WDR19: variants seen among roughly 807,000 people sequenced by gnomAD.
WDR19 encodes the protein WD repeat-containing protein 19.
Under a neutral mutation model 180.0 loss-of-function variants are expected in WDR19, and 121 were observed. The observed-to-expected ratio is 0.67, with a 90% CI of 0.58 to 0.78. The LOEUF (loss-of-function observed/expected upper bound fraction) is 0.78. Among genes scored for constraint, WDR19 ranks in the 30% least tolerant of loss-of-function variants. The pLI is 0.00. For synonymous variants in WDR19, 497 were observed against 540.7 expected (o/e 0.92, Z 1.12); for missense variants, 1,450 against 1,640.7 (o/e 0.88, Z 2.01).
At chr4:39,270,222 C>A in intron 31 of WDR19, 122 bp downstream of exon 31, 1 of 1,325,636 alleles carries the variant, frequency 7.5e-7, no homozygotes, top group Non-Finnish European at 1.0e-6. Context: ...TGTTAAGTAA[C>A]AAAACAAGAT....
chr4:39,189,537 T>C (rs1317986502), intron 3 of WDR19, 119 bp from the exon 4 acceptor site: 1 of 971,378 alleles, frequency 1.0e-6, no homozygotes, highest in African/African-American at 1.7e-5. Flanking sequence ...TATTTCTCAC[T>C]TTAGAGAGTT....
intron 36 of WDR19, among the ~76,000 whole-genome samples, chr4:39,280,475 A>AT (rs1490811642): frequency 1.3e-5 from 2 of 152,070 alleles, no homozygotes; most frequent in Non-Finnish European, 2.9e-5. Flanking sequence ...CCTGGGCAAC[A>AT]TAGTAAGACC....
At chr4:39,232,062 C>A in intron 18 of WDR19, 100 bp from the exon 19 acceptor site, 2 of 1,501,318 alleles carry the variant, frequency 1.3e-6, no homozygotes, top group Non-Finnish European at 1.8e-6. Context: ...ACAAGTGAAT[C>A]GATAGAACGT....
chr4:39,234,531 A>G (rs910868998), intron 19 of WDR19, among the ~76,000 whole-genome samples: 24 of 152,246 alleles, frequency 1.6e-4, no homozygotes, highest in Non-Finnish European at 8.8e-5. Context: ...GCCACAAACC[A>G]TTATAATAGC....
intron 9 of WDR19, among the ~76,000 whole-genome samples, chr4:39,214,024 A>G (rs922932082): frequency 6.6e-6 from 1 of 152,228 alleles, no homozygotes; most frequent in African/African-American, 2.4e-5. Flanking sequence ...TGTTACAACT[A>G]TTAGTTCCCA....
intron 36 of WDR19, among the ~76,000 whole-genome samples, chr4:39,281,658 G>A (rs1445334626): frequency 1.3e-5 from 2 of 151,926 alleles, no homozygotes; most frequent in Non-Finnish European, 2.9e-5. Context: ...TAATTTTGTT[G>A]CTGTATAACA....
chr4:39,267,765 A>G (rs1264246008), intron 29 of WDR19, among the ~76,000 whole-genome samples: 3 of 152,160 alleles, frequency 2.0e-5, no homozygotes, highest in South Asian at 2.1e-4. Flanking sequence ...TAGGGTGGGT[A>G]TGAGGATTTA....
chr4:39,249,983 T>C (rs1732975854), intron 24 of WDR19, among the ~76,000 whole-genome samples: 1 of 152,196 alleles, frequency 6.6e-6, no homozygotes, highest in Non-Finnish European at 1.5e-5. Flanking sequence ...GAATCCTCCC[T>C]AACTCATTTT....
chr4:39,254,147 T>A, intron 26 of WDR19, 117 bp downstream of exon 26: 3 of 970,874 alleles, frequency 3.1e-6, no homozygotes, highest in Non-Finnish European at 4.2e-6. Flanking sequence ...TGTAAATGTT[T>A]ACCATTTATA....
chr4:39,207,309 C>T (rs949163745), intron 9 of WDR19, among the ~76,000 whole-genome samples: 1 of 152,064 alleles, frequency 6.6e-6, no homozygotes, highest in Non-Finnish European at 1.5e-5. Flanking sequence ...AATTATTTGT[C>T]CCAGAGACCT....
chr4:39,279,738 A>G (rs965247110), intron 36 of WDR19, among the ~76,000 whole-genome samples: 6 of 116,936 alleles, frequency 5.1e-5, no homozygotes, highest in African/African-American at 1.4e-4. Flanking sequence ...GTCTTGCTCT[A>G]TTGCCCAGGC....
Position 39,257,484 on chromosome 4 carries a change from A to C in WDR19, c.3115-2A>C. 6.3e-7 allele frequency: 1 copy of C among 1,575,020 alleles called. No homozygotes were observed. Among genetic ancestry groups the C allele is most frequent in the South Asian group, 1.2e-5 (1 of 85,142 alleles). On this transcript the variant is annotated splice_acceptor_variant, in intron 27 of 36. Transcript: ENST00000399820. LOFTEE classifies it high-confidence loss of function. Reference sequence around the variant, plus strand: ...TTTTAATTGCTGTAATTCGCTTTTCAGGCACTTAAACACTTCCTGAAATGC... The same window carrying C: ...TTTTAATTGCTGTAATTCGCTTTTCCGGCACTTAAACACTTCCTGAAATGC...
intron 5 of WDR19, among the ~76,000 whole-genome samples, chr4:39,199,220 A>T (rs1220835905): frequency 6.6e-6 from 1 of 152,232 alleles, no homozygotes; most frequent in African/African-American, 2.4e-5. Context: ...TAAACGAAGA[A>T]ATCTTGTCAA....
chr4:39,195,389 A>AC (rs1489199579), intron 5 of WDR19, among the ~76,000 whole-genome samples: 1,727 of 131,820 alleles, frequency 0.013, 56 homozygotes, highest in African/African-American at 0.047. Flanking sequence ...CAAAAAAACA[A>AC]ACAAACAAAA....
chr4:39,204,927 G>A (rs1727789677), intron 7 of WDR19, among the ~76,000 whole-genome samples: 1 of 152,196 alleles, frequency 6.6e-6, no homozygotes, highest in Non-Finnish European at 1.5e-5. Context: ...CAAAGGAATT[G>A]TAGTATATTT....
intron 28 of WDR19, among the ~76,000 whole-genome samples, chr4:39,261,013 CGTT>C (rs1387766150): frequency 2.2e-4 from 34 of 151,686 alleles, no homozygotes; most frequent in Non-Finnish European, 4.0e-4. Flanking sequence ...TTTGTTGTTT[CGTT>C]GTTGTTGTTT....
At chr4:39,274,694 G>C (rs1253689966) in intron 32 of WDR19, 114 bp from the exon 33 acceptor site, 1 of 1,296,198 alleles carries the variant, frequency 7.7e-7, no homozygotes, top group East Asian at 2.3e-5. Context: ...TGCAGAAAAA[G>C]CAAAGTTCAG....
chr4:39,184,054 C>G (rs1725256386), intron 1 of WDR19, among the ~76,000 whole-genome samples: 1 of 152,110 alleles, frequency 6.6e-6, no homozygotes, highest in South Asian at 2.1e-4. Flanking sequence ...ACTTTTATGT[C>G]CCATGATCAT....
At chr4:39,265,848 A>G (rs541517095) in intron 28 of WDR19, among the ~76,000 whole-genome samples, 2 of 152,158 alleles carry the variant, frequency 1.3e-5, no homozygotes, top group East Asian at 3.9e-4. Flanking sequence ...TTGATACAGC[A>G]GCTAAGAAAA....
Sources: gnomAD v4.1 joint callset for allele counts (sites outside exome capture counted in the v4.1 genomes callset) on GRCh38, gnomAD v4.1.1 for gene constraint, MANE v1.5 for transcripts, NCBI Gene and HGNC (gene_info 2026-07-23, HGNC 2026-07-21) for gene names.